The following EGFL7 variants were observed in gnomAD, a reference collection of about 807,000 sequenced individuals.
The protein encoded by EGFL7 is EGF like domain multiple 7.
EGFL7 carries 48 observed loss-of-function variants against 37.1 expected under a neutral mutation model. The ratio of observed to expected loss-of-function variants is 1.29; its 90% CI spans 1.03 to 1.65. The LOEUF is 1.65. EGFL7 is among the 40% of genes most tolerant of loss of function. The pLI is 0.00. For missense variants in EGFL7, 384 were observed against 378.9 expected, an observed-to-expected ratio of 1.01 and a Z score of -0.11; for synonymous variants, 180 against 156.8, an observed-to-expected ratio of 1.15 and a Z score of -1.10.
Position 136,666,122 on chromosome 9 carries a change from G to C in EGFL7, c.-43+1337G>C, listed in dbSNP as rs1051257691. ...CCGGGGTCGCCGCGGCCCCTCGTCC[G>C]ACCCGGCGCGACTCAGCGCCTCGGG... is the stretch of plus-strand genomic sequence containing the variant. On this transcript the variant is annotated intron_variant, in intron 3 of 10. Coordinates refer to ENST00000308874, the MANE Select transcript of EGFL7 (RefSeq NM_016215.5). This position sits in a 1 kb window ranked among gnomAD's most constrained non-coding sequence, Gnocchi z 6.8. Among the ~76,000 whole-genome samples, 31 of 148,008 alleles carry C rather than the reference G, an allele frequency of 2.1e-4. No individual in the cohort carries two copies. The East Asian group carries it at 5.7e-3, about 27-fold the overall frequency.
intron 3 of EGFL7, among the ~76,000 whole-genome samples, chr9:136,667,154 A>G (rs1261016572): frequency 6.6e-6 from 1 of 152,154 alleles, no homozygotes; most frequent in Non-Finnish European, 1.5e-5. Flanking sequence ...CAGTGTGACT[A>G]TTTATAGGAC....
chr9:136,668,601 A>T lies in EGFL7; in HGVS notation c.125A>T (p.Glu42Val), dbSNP rs1344142717. Residue 42 changes from glutamate (E) to valine (V), a missense_variant, in exon 5 of 11, where the codon GAG becomes GTG. Transcript: ENST00000308874. ...AVRAHGDPVS[E>V]SFVQRVYQPF... ...CGGGCTCACGGGGACCCTGTCTCCGAGTCGTTCGTGCAGCGTGTGTACCAG... is the reference window on the plus strand; with the variant it reads ...CGGGCTCACGGGGACCCTGTCTCCGTGTCGTTCGTGCAGCGTGTGTACCAG... 6.2e-7 allele frequency: 1 copy of T among 1,608,590 alleles called. No individual in the cohort carries two copies. Among genetic ancestry groups the T allele is most frequent in the South Asian group, 1.1e-5 (1 of 91,088 alleles).
Position 136,668,663 on chromosome 9 carries a change from A to C in EGFL7, c.187A>C (p.Ser63Arg). The change falls in exon 5 of 11, where the codon AGC (serine) becomes CGC (arginine). Residue 63 changes from serine to arginine, a missense_variant. Ser to Arg is a moderately radical substitution (Grantham distance 110). Coordinates refer to ENST00000308874, the MANE Select transcript of EGFL7 (RefSeq NM_016215.5). Reference sequence around the variant, plus strand: ...CACCTGCGACGGGCACCGGGCCTGCAGCACCTACCGGTGAGTGCCCCACCA... The same window carrying C: ...CACCTGCGACGGGCACCGGGCCTGCCGCACCTACCGGTGAGTGCCCCACCA... ...LTTCDGHRAC[S>R]TYRTIYRTAY... 6.2e-7 allele frequency: 1 copy of C among 1,602,312 alleles called. No homozygotes were observed. Among genetic ancestry groups the C allele is most frequent in the Non-Finnish European group, 8.5e-7 (1 of 1,179,440 alleles).
rs1845881001 is a variant in EGFL7, at chr9:136,671,353, C to CAG, written c.636+340_636+341dup. On this transcript the variant is annotated intron_variant, in intron 9 of 10. Transcript: ENST00000308874. ...GTCGGCAGGGGGCAGGTCTTCACAACAGCAGAGGCCCAGGCCCGGGTACAG... is the reference window on the plus strand; with the variant it reads ...GTCGGCAGGGGGCAGGTCTTCACAACAGAGCAGAGGCCCAGGCCCGGGTACAG... 1.3e-5 allele frequency among the ~76,000 whole-genome samples: 2 copies of CAG among 152,000 alleles called. 1 individual carries two copies. The highest frequency in any genetic ancestry group is 4.8e-5 in the African/African-American group (2 of 41,344).
upstream of EGFL7, chr9:136,659,286 G>C (rs1231190496): frequency 6.6e-6 from 1 of 152,234 alleles, no homozygotes; most frequent in Admixed American, 6.5e-5. Flanking sequence ...GGTCCGGGAC[G>C]TCCTCTGATG....
At position 136,672,039 on chromosome 9, in the gene EGFL7, CG is replaced by C. The variant is rs762620678; in HGVS notation, c.751del (p.Asp251ThrfsTer3). The C allele has an allele frequency of 1.3e-6, 2 of 1,545,520 alleles. No homozygotes were observed. The highest frequency in any genetic ancestry group is 2.4e-5 in the South Asian group (2 of 84,110). Reference protein sequence around the residue: ...VHSFQQLGRIDSLSEQISFLE... With the variant: ...VHSFQQLGRIXSLSEQISFLE... ...ACTCCTTCCAGCAGCTCGGCCGCAT[CG>C]ACTCCCTGAGCGAGCAGATTTCCTT... On this transcript the variant is annotated frameshift_variant, in exon 10 of 11. Coordinates refer to ENST00000308874, the MANE Select transcript of EGFL7 (RefSeq NM_016215.5). LOFTEE classifies it high-confidence loss of function.
In EGFL7 at chr9:136,670,975, A is replaced by C; in HGVS notation, c.597A>C (p.Glu199Asp). 6.7e-7 allele frequency: 1 copy of C among 1,486,384 alleles called. No individual in the cohort carries two copies. The highest frequency in any genetic ancestry group is 8.9e-7 in the Non-Finnish European group (1 of 1,121,708). The allele number at this position is 1,486,384 out of a possible 1,614,324, so 92.1% of individuals were successfully genotyped here. Residue 199 changes from glutamate (E) to aspartate (D), a missense_variant, in exon 9 of 11, where the codon GAA becomes GAC. Coordinates refer to ENST00000308874, the MANE Select transcript of EGFL7 (RefSeq NM_016215.5). The part of the protein sequence containing the change: ...PTGVDSAMKE[E>D]VQRLQSRVDL... The stretch of plus-strand genomic sequence containing the variant: ...GAGTGGACAGTGCAATGAAGGAAGA[A>C]GTGCAGAGGCTGCAGTCCAGGGTGG...
intron 8 of EGFL7, 109 bp from the exon 9 acceptor site, chr9:136,670,841 G>T: frequency 9.2e-7 from 1 of 1,086,748 alleles, no homozygotes; most frequent in Non-Finnish European, 1.4e-6. Context: ...GGCGGCAGAG[G>T]CCTGGGCCTG....
chr9:136,664,074 C>T (rs1845309093), intron 2 of EGFL7, among the ~76,000 whole-genome samples: 1 of 152,090 alleles, frequency 6.6e-6, no homozygotes, highest in Non-Finnish European at 1.5e-5. Context: ...AGGCCCCACT[C>T]TGAACACTTC....
intron 8 of EGFL7, 105 bp downstream of exon 8, chr9:136,670,435 G>C (rs1031442311): frequency 1.5e-6 from 2 of 1,341,970 alleles, no homozygotes; most frequent in Non-Finnish European, 2.1e-6. Context: ...GGCGGAAGGC[G>C]GTGGGGACTC....
At chr9:136,664,459 G>A (rs1192358784) in intron 2 of EGFL7, among the ~76,000 whole-genome samples, 1 of 152,206 alleles carries the variant, frequency 6.6e-6, no homozygotes, top group Non-Finnish European at 1.5e-5. Flanking sequence ...GGGAGTCCAG[G>A]GCTGGAGGCA....
chr9:136,668,549 C>T lies in EGFL7; in HGVS notation c.81-8C>T, dbSNP rs1845627270. 6.2e-7 allele frequency: 1 copy of T among 1,607,500 alleles called. No individual in the cohort carries two copies. The highest frequency in any genetic ancestry group is 1.3e-5 in the African/African-American group (1 of 75,012). ...ACTCCTGGGCTGACCCCCTCTCCAC[C>T]CCCGCAGCCGTAGGGTGTGTGCTGT... On this transcript the variant is annotated splice_polypyrimidine_tract_variant and splice_region_variant and intron_variant, in intron 4 of 10. Coordinates refer to ENST00000308874, the MANE Select transcript of EGFL7 (RefSeq NM_016215.5).
chr9:136,663,836 CCTGT>C (rs1272456496), intron 2 of EGFL7, among the ~76,000 whole-genome samples: 18 of 152,338 alleles, frequency 1.2e-4, no homozygotes, highest in South Asian at 2.1e-4. Flanking sequence ...CACCAAGAAG[CCTGT>C]CTGAGAACCC....
rs200785608 is a variant in EGFL7, at chr9:136,668,552, C to T, written c.81-5C>T. 21 of 1,607,804 alleles carry T rather than the reference C, an allele frequency of 1.3e-5. No homozygotes were observed. Among genetic ancestry groups the T allele is most frequent in the Admixed American group, 6.7e-5 (4 of 59,978 alleles). On this transcript the variant is annotated splice_polypyrimidine_tract_variant and splice_region_variant and intron_variant, in intron 4 of 10. Coordinates refer to ENST00000308874, the MANE Select transcript of EGFL7 (RefSeq NM_016215.5). The stretch of plus-strand genomic sequence containing the variant: ...CCTGGGCTGACCCCCTCTCCACCCC[C>T]GCAGCCGTAGGGTGTGTGCTGTCCG...
At position 136,670,768 on chromosome 9, in the gene EGFL7, C is replaced by T. The variant is rs530190198; in HGVS notation, c.572-182C>T. 177 of 733,054 alleles carry T rather than the reference C, an allele frequency of 2.4e-4. 1 individual carries two copies. The highest frequency in any genetic ancestry group is 2.3e-3 in the South Asian group (155 of 67,462). 45.4% of individuals were successfully genotyped at this position (733,054 alleles called of 1,614,324 possible). ...CCCTGAGCCTCTGCGCAGAGCCACC[C>T]GCCCCGACGTACTTAGGCGGCATAG... On this transcript the variant is annotated intron_variant, in intron 8 of 10. Coordinates refer to ENST00000308874, the MANE Select transcript of EGFL7 (RefSeq NM_016215.5).
chr9:136,672,651 C>T lies in EGFL7; in HGVS notation c.*365C>T. On this transcript the variant is annotated 3_prime_UTR_variant, in exon 11 of 11. Coordinates refer to ENST00000308874, the MANE Select transcript of EGFL7 (RefSeq NM_016215.5). ...GGCCTCAGTGGGGGCTGCTGCCTGA[C>T]CCCCAGCACAATAAAAATGAAACGT... The T allele has an allele frequency of 2.5e-6, 1 of 392,698 alleles. No homozygotes were observed. Among genetic ancestry groups the T allele is most frequent in the Non-Finnish European group, 4.7e-6 (1 of 214,844 alleles). The allele number at this position is 392,698 out of a possible 1,614,324, so 24.3% of individuals were successfully genotyped here.
upstream of EGFL7, among the ~76,000 whole-genome samples, chr9:136,661,962 G>A (rs924194492): frequency 6.6e-6 from 1 of 152,168 alleles, no homozygotes. Flanking sequence ...GGTTCCAGGC[G>A]TGCCCTCCAA....
chr9:136,665,500 G>T (rs1017509474), intron 3 of EGFL7, among the ~76,000 whole-genome samples: 1 of 152,198 alleles, frequency 6.6e-6, no homozygotes, highest in Non-Finnish European at 1.5e-5. Context: ...CTGGCGGCCG[G>T]GCTTGGTCGT....
chr9:136,668,115 G>T, intron 3 of EGFL7, 126 bp from the exon 4 acceptor site: 1 of 597,524 alleles, frequency 1.7e-6, no homozygotes, highest in Non-Finnish European at 2.9e-6. Flanking sequence ...CGCCACCGTG[G>T]GGCTGTCCCA....
Sources: gnomAD v4.1 joint callset for allele counts (sites outside exome capture counted in the v4.1 genomes callset) on GRCh38, gnomAD v4.1.1 for gene constraint, Gnocchi (gnomAD v3.1) non-coding constraint, MANE v1.5 for transcripts, NCBI Gene and HGNC (gene_info 2026-07-23, HGNC 2026-07-21) for gene names.